CATSPER4: variants seen among roughly 807,000 people sequenced by gnomAD.
CATSPER4 encodes cation channel sperm associated 4, also known as cation channel sperm-associated protein 4.
CATSPER4 carries 46 observed loss-of-function variants against 54.4 expected under a neutral mutation model. The ratio of observed to expected loss-of-function variants is 0.84; its 90% CI spans 0.67 to 1.08. CATSPER4 has a LOEUF of 1.08. Among genes scored for constraint, CATSPER4 ranks in the 50% least tolerant of loss-of-function variants. The probability of loss-of-function intolerance (pLI) is 0.00; values close to 1 mark genes in which losing one functional copy is unlikely to be tolerated. For missense variants in CATSPER4, 574 were observed against 612.8 expected (o/e 0.94, Z 0.67); for synonymous variants, 230 against 231.9 (o/e 0.99, Z 0.08).
rs575641242 is a variant in CATSPER4, at chr1:26,196,465, G to T, written c.460-1221G>T. Among the ~76,000 whole-genome samples, 162 of 127,822 alleles carry T rather than the reference G, an allele frequency of 1.3e-3. 1 individual carries two copies. Among genetic ancestry groups the T allele is most frequent in the Non-Finnish European group, 2.1e-3 (137 of 64,058 alleles). 83.9% of individuals were successfully genotyped at this position (127,822 alleles called of 152,430 possible). On this transcript the variant is annotated intron_variant, in intron 3 of 9. Transcript: ENST00000456354. ...TCACCCCTGTTGCTCAGGCTGGAGT[G>T]CAATGACACCCATTTCGGCTCACTG...
At chr1:26,201,118 C>T in intron 8 of CATSPER4, 77 bp downstream of exon 8, 3 of 1,248,294 alleles carry the variant, frequency 2.4e-6, no homozygotes, top group Non-Finnish European at 2.4e-6. Context: ...TCTGGCCTCA[C>T]GCCCTCACCA....
At chr1:26,201,209 C>T (rs2089003735) in intron 8 of CATSPER4, 145 bp from the exon 9 acceptor site, 1 of 998,988 alleles carries the variant, frequency 1.0e-6, no homozygotes, top group Non-Finnish European at 1.5e-6. Flanking sequence ...CAGGTTCCTT[C>T]CATCTCACAC....
At chr1:26,196,084 G>A (rs776195463) in intron 3 of CATSPER4, among the ~76,000 whole-genome samples, 2 of 151,462 alleles carry the variant, frequency 1.3e-5, no homozygotes, top group Non-Finnish European at 2.9e-5. Context: ...GTCACTGAAT[G>A]GATCCTGACA....
At chr1:26,201,230 C>A in intron 8 of CATSPER4, 124 bp from the exon 9 acceptor site, 1 of 1,119,226 alleles carries the variant, frequency 8.9e-7, no homozygotes, top group Non-Finnish European at 1.3e-6. Context: ...AAGGGCACAG[C>A]TCGGCCTGGG....
chr1:26,202,137 C>A (rs1251276730), intron 9 of CATSPER4, among the ~76,000 whole-genome samples: 1 of 152,188 alleles, frequency 6.6e-6, no homozygotes, highest in African/African-American at 2.4e-5. Flanking sequence ...GTGGCATGAG[C>A]CAGCTCAGTG....
rs17163655 is a variant in CATSPER4, at chr1:26,198,065, C to T, written c.666C>T (p.Leu222=). The T allele has an allele frequency of 9.1e-4, 1,467 of 1,614,100 alleles. 14 individuals carry two copies. In the African/African-American group the frequency reaches 0.017, roughly 19 times the overall value. The change falls in exon 5 of 10, where the codon CTC becomes CTT. Residue 222 remains leucine, a synonymous_variant. Coordinates refer to ENST00000456354, the MANE Select transcript of CATSPER4 (RefSeq NM_198137.2). The part of the protein sequence containing the change: ...PDMANIMVLI[L]FFMLVFSVFG... ...TGGCCAATATCATGGTCCTCATCCT[C>T]TTCTTCATGCTGGTCAGTGCCTGCC...
chr1:26,200,943 G>C lies in CATSPER4; in HGVS notation c.1101G>C (p.Ser367=). The C allele has an allele frequency of 6.2e-7, 1 of 1,614,060 alleles. No individual in the cohort carries two copies. Among genetic ancestry groups the C allele is most frequent in the South Asian group, 1.1e-5 (1 of 91,088 alleles). The part of the protein sequence containing the change: ...LQEPLAGGPL[S]NLSENTCDNF... ...AACCCCTTGCGGGAGGCCCCCTGTC[G>C]AACCTCTCAGAAAACACGTGTGACA... is the stretch of plus-strand genomic sequence containing the variant. Residue 367 remains serine, a synonymous_variant, in exon 8 of 10, where the codon TCG becomes TCC. Coordinates refer to ENST00000456354, the MANE Select transcript of CATSPER4 (RefSeq NM_198137.2).
At position 26,200,037 on chromosome 1, in the gene CATSPER4, G is replaced by A. The variant is rs748675786; in HGVS notation, c.966G>A (p.Gln322=). The A allele has an allele frequency of 4.8e-5, 77 of 1,613,624 alleles. No homozygotes were observed. The highest frequency in any genetic ancestry group is 3.3e-4 in the Middle Eastern group (2 of 6,084). Residue 322 remains glutamine, a synonymous_variant, in exon 7 of 10, where the codon CAG becomes CAA. Coordinates refer to ENST00000456354, the MANE Select transcript of CATSPER4 (RefSeq NM_198137.2). The part of the protein sequence containing the change: ...QMMKAGEQGQ[Q]QRITFSETGA... ...TGAAGGCAGGAGAGCAGGGACAACA[G>A]CAACGAATAACCTTTAGTGAGGTGC...
At position 26,190,776 on chromosome 1, in the gene CATSPER4, A is replaced by G. The variant is rs41284333; in HGVS notation, c.149A>G (p.His50Arg). 280,960 of 1,612,714 alleles carry G rather than the reference A, an allele frequency of 0.17. 26,063 individuals are homozygous for G. Among genetic ancestry groups the G allele is most frequent in the African/African-American group, 0.23 (17,009 of 74,876 alleles). The change falls in exon 1 of 10, where the codon CAC becomes CGC. Residue 50 changes from histidine (H) to arginine (R), a missense_variant. His to Arg is a conservative substitution (Grantham distance 29). Coordinates refer to ENST00000456354, the MANE Select transcript of CATSPER4 (RefSeq NM_198137.2). ...CCCTCTCCCCTGCAGAGTACCATTC[A>G]CGAGTCCTACGGTCGGCCAGAGGAG... is the stretch of plus-strand genomic sequence containing the variant. ...GRPSPLQSTI[H>R]ESYGRPEEQV...
chr1:26,200,581 G>C (rs1005384255), intron 7 of CATSPER4, among the ~76,000 whole-genome samples: 3 of 150,892 alleles, frequency 2.0e-5, no homozygotes, highest in Non-Finnish European at 2.9e-5. Context: ...GGGTTTATCA[G>C]GGTTGAAATC....
intron 6 of CATSPER4, 129 bp downstream of exon 6, chr1:26,198,548 T>A (rs2088971245): frequency 8.5e-7 from 1 of 1,178,492 alleles, no homozygotes; most frequent in African/African-American, 1.5e-5. Flanking sequence ...GGTTCCCAGG[T>A]CTTTAAACAG....
In CATSPER4 at chr1:26,199,938, C is replaced by G. The variant is rs746174047; in HGVS notation, c.867C>G (p.Ile289Met). 1.2e-6 allele frequency: 2 copies of G among 1,614,198 alleles called. No homozygotes were observed. The highest frequency in any genetic ancestry group is 1.7e-6 in the Non-Finnish European group (2 of 1,180,034). ...MEIGGAIYFTIFITIGAFIGI... is the reference protein window; with the variant it reads ...MEIGGAIYFTMFITIGAFIGI... ...TTGGGGGTGCCATCTACTTTACCAT[C>G]TTCATCACCATCGGTGCCTTCATTG... The change falls in exon 7 of 10, where the codon ATC (isoleucine) becomes ATG (methionine). Residue 289 changes from isoleucine (I) to methionine (M), a missense_variant. Transcript: ENST00000456354.
intron 9 of CATSPER4, 171 bp downstream of exon 9, chr1:26,201,690 CT>C (rs57008544): frequency 0.025 from 9,892 of 388,326 alleles, 7 homozygotes; most frequent in East Asian, 0.069. Context: ...TCTTTCTTTC[CT>C]TTTTTTTTTT....
chr1:26,198,483 A>C lies in CATSPER4; in HGVS notation c.812+64A>C, dbSNP rs1023440886. 5 of 1,602,910 alleles carry C rather than the reference A, an allele frequency of 3.1e-6. 1 individual carries two copies. The African/African-American group carries it at 6.7e-5, about 21-fold the overall frequency. Reference sequence around the variant, plus strand: ...GGGGCAGGGTAGCCGGTGGAGCTCCAGGCTGAGAGTGGGAGCTCCAGGGAT... The same window carrying C: ...GGGGCAGGGTAGCCGGTGGAGCTCCCGGCTGAGAGTGGGAGCTCCAGGGAT... On this transcript the variant is annotated intron_variant, in intron 6 of 9. Coordinates refer to ENST00000456354, the MANE Select transcript of CATSPER4 (RefSeq NM_198137.2).
chr1:26,197,564 C>A, intron 3 of CATSPER4, 122 bp from the exon 4 acceptor site: 1 of 721,876 alleles, frequency 1.4e-6, no homozygotes. Context: ...TGGATGGCAG[C>A]TGACTGGCCC....
chr1:26,199,021 C>T (rs1402359443), intron 6 of CATSPER4, among the ~76,000 whole-genome samples: 3 of 152,156 alleles, frequency 2.0e-5, no homozygotes, highest in Admixed American at 6.6e-5. Context: ...ATCAGGCTGG[C>T]CGGGGCCGGG....
chr1:26,199,695 T>C (rs2124528932), intron 6 of CATSPER4, among the ~76,000 whole-genome samples, 189 bp from the exon 7 acceptor site: 1 of 152,172 alleles, frequency 6.6e-6, no homozygotes, highest in Admixed American at 6.5e-5. Flanking sequence ...CAGCTCACTG[T>C]CTGGCAGCAC....
At position 26,190,712 on chromosome 1, in the gene CATSPER4, ATGGGGTT is replaced by A; in HGVS notation, c.89_95del (p.Gly30GlufsTer4). On this transcript the variant is annotated frameshift_variant, in exon 1 of 10. Coordinates refer to ENST00000456354, the MANE Select transcript of CATSPER4 (RefSeq NM_198137.2). LOFTEE classifies it high-confidence loss of function. The stretch of plus-strand genomic sequence containing the variant: ...GTGGGGCGGGACTCAGGAGGACCGT[ATGGGGTT>A]TGGAGGGGCAGTAGCTGCACTGAGG... 1 of 1,613,378 alleles carries A rather than the reference ATGGGGTT, an allele frequency of 6.2e-7. No homozygotes were observed. The highest frequency in any genetic ancestry group is 8.5e-7 in the Non-Finnish European group (1 of 1,179,892).
rs1215896059 is a variant in CATSPER4 at position 26,201,378 on chromosome 1, C to T, written c.1224C>T (p.Ile408=). The T allele has an allele frequency of 1.9e-6, 3 of 1,614,018 alleles. No individual in the cohort carries two copies. The highest frequency in any genetic ancestry group is 2.5e-6 in the Non-Finnish European group (3 of 1,180,022). The change falls in exon 9 of 10, where the codon ATC becomes ATT. Residue 408 remains isoleucine (I), a synonymous_variant. Transcript: ENST00000456354. ...GGATTGTGGAGGAGGTGCGCGCAAT[C>T]CGCTTCAACCAGGAGCAGGAGTCAG... ...LNMIVEEVRA[I]RFNQEQESEV... is the part of the protein sequence containing the mutation.
Sources: gnomAD v4.1 joint callset for allele counts (sites outside exome capture counted in the v4.1 genomes callset) on GRCh38, gnomAD v4.1.1 for gene constraint, MANE v1.5 for transcripts, NCBI Gene and HGNC (gene_info 2026-07-23, HGNC 2026-07-21) for gene names.